Variants in ANAPC13 observed in about 807,000 individuals in gnomAD.
ANAPC13 encodes anaphase promoting complex subunit 13.
In ANAPC13, 9 loss-of-function variants were observed where a neutral mutation model predicts 9.6. The observed-to-expected ratio is 0.94, with a 90% CI of 0.57 to 1.64. ANAPC13 has a LOEUF of 1.64. ANAPC13 is among the 40% of genes most tolerant of loss of function. The probability of loss-of-function intolerance (pLI) is 0.00; values close to 1 mark genes in which losing one functional copy is unlikely to be tolerated. For missense variants in ANAPC13, 75 were observed against 85.3 expected, an observed-to-expected ratio of 0.88 and a Z score of 0.48; for synonymous variants, 30 against 29.7, an observed-to-expected ratio of 1.01 and a Z score of -0.03.
In ANAPC13 at chr3:134,478,568, T is replaced by A. The variant is rs150028607; in HGVS notation, c.*22A>T. 1 of 1,607,730 alleles carries A rather than the reference T, an allele frequency of 6.2e-7. No homozygotes were observed. Among genetic ancestry groups the A allele is most frequent in the East Asian group, 2.2e-5 (1 of 44,746 alleles). Reference sequence around the variant, plus strand: ...TATCTGTGTACTTTGAGAAAATCCATCCACAAGAAAGGAGCCAAGCGTCAG... The same window carrying A: ...TATCTGTGTACTTTGAGAAAATCCAACCACAAGAAAGGAGCCAAGCGTCAG... On this transcript the variant is annotated 3_prime_UTR_variant, in exon 3 of 3. Coordinates refer to ENST00000354910, the MANE Select transcript of ANAPC13 (RefSeq NM_015391.4).
chr3:134,483,202 A>G (rs1417475118), intron 1 of ANAPC13: 2 of 370,914 alleles, frequency 5.4e-6, no homozygotes, highest in Non-Finnish European at 9.9e-6. Flanking sequence ...AGGCCCTCAA[A>G]TATTAATATG....
intron 1 of ANAPC13, chr3:134,485,693 A>G (rs563872857): frequency 1.3e-5 from 2 of 152,468 alleles, no homozygotes; most frequent in East Asian, 3.9e-4. Flanking sequence ...GGCCACCACC[A>G]TCCGCACCGT....
At position 134,482,791 on chromosome 3, in the gene ANAPC13, C is replaced by G; in HGVS notation, c.99+15G>C. On this transcript the variant is annotated intron_variant, in intron 2 of 2. Coordinates refer to ENST00000354910, the MANE Select transcript of ANAPC13 (RefSeq NM_015391.4). The stretch of plus-strand genomic sequence containing the variant: ...CAATACCTTTAACCCATCCTCAGCT[C>G]AAATCATAACCTACCAGTGGTATTG... 1 of 1,610,852 alleles carries G rather than the reference C, an allele frequency of 6.2e-7. No individual in the cohort carries two copies. Among genetic ancestry groups the G allele is most frequent in the Non-Finnish European group, 8.5e-7 (1 of 1,176,996 alleles).
rs11544841 is a variant in ANAPC13, at chr3:134,478,634, C to A, written c.181G>T (p.Ala61Ser). Reference protein sequence around the residue: ...KEQEMKWTDLALQYLHENVPP... With the variant: ...KEQEMKWTDLSLQYLHENVPP... ...ACATTCTCATGGAGGTACTGTAAGG[C>A]TAAGTCTGTCCACTTCATTTCTTGT... is the stretch of plus-strand genomic sequence containing the variant. The change falls in exon 3 of 3, where the codon GCC (alanine) becomes TCC (serine). Residue 61 changes from alanine (A) to serine (S), a missense_variant. Transcript: ENST00000354910. 2.5e-6 allele frequency: 4 copies of A among 1,614,036 alleles called. No homozygotes were observed. The highest frequency in any genetic ancestry group is 3.4e-6 in the Non-Finnish European group (4 of 1,180,022).
At chr3:134,483,519 G>A (rs1231417925) in intron 1 of ANAPC13, among the ~76,000 whole-genome samples, 1 of 152,168 alleles carries the variant, frequency 6.6e-6, no homozygotes, top group Non-Finnish European at 1.5e-5. Context: ...CTTCCTCGGA[G>A]GTTCCTTCCT....
At chr3:134,482,678 TAG>T in intron 2 of ANAPC13, 126 bp downstream of exon 2, 1 of 813,556 alleles carries the variant, frequency 1.2e-6, no homozygotes, top group African/African-American at 1.7e-5. Context: ...CAGAAGCTTC[TAG>T]AGTTAGAGAA....
intron 2 of ANAPC13, 60 bp from the exon 3 acceptor site, chr3:134,478,775 A>T: frequency 6.3e-7 from 1 of 1,580,154 alleles, no homozygotes; most frequent in Admixed American, 1.8e-5. Flanking sequence ...TTGGAACTCA[A>T]GAACACTTAG....
In ANAPC13 at chr3:134,478,347, A is replaced by C. The variant is rs1343692664; in HGVS notation, c.*243T>G. 2.3e-6 allele frequency: 1 copy of C among 444,218 alleles called. No individual in the cohort carries two copies. Among genetic ancestry groups the C allele is most frequent in the Non-Finnish European group, 3.9e-6 (1 of 255,834 alleles). 27.5% of individuals were successfully genotyped at this position (444,218 alleles called of 1,614,324 possible). A position where few individuals can be genotyped will look rare whatever the true frequency, so the allele number is the denominator to read the frequency against. ...CAGAGGTAGAGGCAAATGTTTAACC[A>C]ATCATGTTCAAATATAAGCTACTCA... is the stretch of plus-strand genomic sequence containing the variant. On this transcript the variant is annotated 3_prime_UTR_variant, in exon 3 of 3. Transcript: ENST00000354910.
chr3:134,482,946 G>A lies in ANAPC13; in HGVS notation c.-27-15C>T. 6.6e-7 allele frequency: 1 copy of A among 1,522,834 alleles called. No individual in the cohort carries two copies. Among genetic ancestry groups the A allele is most frequent in the Non-Finnish European group, 9.1e-7 (1 of 1,097,004 alleles). The allele number at this position is 1,522,834 out of a possible 1,614,324, so 94.3% of individuals were successfully genotyped here. On this transcript the variant is annotated splice_polypyrimidine_tract_variant and intron_variant, in intron 1 of 2. Transcript: ENST00000354910. ...TCTTGTCAAATCTGTAAGCCAAAGAGGTTATTTCTTAAACACGAAGACTGA... is the reference window on the plus strand; with the variant it reads ...TCTTGTCAAATCTGTAAGCCAAAGAAGTTATTTCTTAAACACGAAGACTGA...
chr3:134,483,079 A>T, intron 1 of ANAPC13, 148 bp from the exon 2 acceptor site: 1 of 621,570 alleles, frequency 1.6e-6, no homozygotes, highest in Non-Finnish European at 2.9e-6. Context: ...CTTTGATCAC[A>T]GTTCCTCTCT....
chr3:134,478,461 C>T lies in ANAPC13; in HGVS notation c.*129G>A. ...TCAATTTCGCATTGCACTTTGCTAC[C>T]ACAAACTAAATGGGTGTACATTTTT... On this transcript the variant is annotated 3_prime_UTR_variant, in exon 3 of 3. Transcript: ENST00000354910. The T allele has an allele frequency of 7.9e-7, 1 of 1,262,400 alleles. No individual in the cohort carries two copies. Among genetic ancestry groups the T allele is most frequent in the Admixed American group, 2.5e-5 (1 of 40,236 alleles). The allele number at this position is 1,262,400 out of a possible 1,614,324, so 78.2% of individuals were successfully genotyped here.
At chr3:134,484,313 G>T (rs958039308) in intron 1 of ANAPC13, among the ~76,000 whole-genome samples, 1 of 152,156 alleles carries the variant, frequency 6.6e-6, no homozygotes, top group Admixed American at 6.5e-5. Context: ...CTGGGAGGCG[G>T]AGCTTGCAGT....
At chr3:134,485,903 G>T in intron 1 of ANAPC13, 49 bp downstream of exon 1, 1 of 781,978 alleles carries the variant, frequency 1.3e-6, no homozygotes, top group Middle Eastern at 6.6e-4. Context: ...AGCAACGAAC[G>T]CATTCCCGCG....
rs1202668245 is a variant in ANAPC13, at chr3:134,485,962, C to T, written c.-38G>A. On this transcript the variant is annotated 5_prime_UTR_variant, in exon 1 of 3. Transcript: ENST00000354910. ...GCTGGAAACCCTTACCGGCACCCGGCCACCGCGGCAGACGCTTGCTCCTGC... is the reference window on the plus strand; with the variant it reads ...GCTGGAAACCCTTACCGGCACCCGGTCACCGCGGCAGACGCTTGCTCCTGC... The T allele has an allele frequency of 9.2e-6, 9 of 979,356 alleles. No homozygotes were observed. Among genetic ancestry groups the T allele is most frequent in the Non-Finnish European group, 1.1e-5 (9 of 828,178 alleles). 60.7% of individuals were successfully genotyped at this position (979,356 alleles called of 1,614,324 possible).
chr3:134,478,748 A>G (rs368797631), intron 2 of ANAPC13, 33 bp from the exon 3 acceptor site: 26 of 1,610,944 alleles, frequency 1.6e-5, no homozygotes, highest in Non-Finnish European at 2.1e-5. Flanking sequence ...CAGAACAGTA[A>G]TATATTCTGC....
At chr3:134,483,006 G>A (rs966566386) in intron 1 of ANAPC13, 75 bp from the exon 2 acceptor site, 2 of 1,041,728 alleles carry the variant, frequency 1.9e-6, no homozygotes, top group Non-Finnish European at 1.5e-6. Flanking sequence ...GATTCTCCAG[G>A]CTTTTTAGTC....
intron 1 of ANAPC13, chr3:134,485,344 C>T (rs981095404): frequency 6.6e-6 from 1 of 152,278 alleles, no homozygotes; most frequent in African/African-American, 2.4e-5. Flanking sequence ...GCCTGCAATG[C>T]TCTTTGTTTC....
intron 1 of ANAPC13, 66 bp downstream of exon 1, chr3:134,485,886 G>T: frequency 6.1e-6 from 4 of 653,082 alleles, no homozygotes; most frequent in Non-Finnish European, 7.6e-6. Context: ...GGGGAAGTCC[G>T]ACACTGAGCA....
chr3:134,482,418 A>G (rs903944947), intron 2 of ANAPC13, among the ~76,000 whole-genome samples: 1 of 152,268 alleles, frequency 6.6e-6, no homozygotes, highest in African/African-American at 2.4e-5. Context: ...GTAAGTTTCT[A>G]AAAATGCTGA....
Sources: allele counts gnomAD v4.1 joint callset (sites outside exome capture counted in the v4.1 genomes callset), GRCh38; gene constraint gnomAD v4.1.1; transcripts MANE v1.5; gene names NCBI Gene and HGNC (gene_info 2026-07-23, HGNC 2026-07-21).